Variants in PCDHGA9 observed in about 807,000 individuals in gnomAD.
PCDHGA9 encodes the protein protocadherin gamma subfamily A, 9, also known as protocadherin gamma-A9.
PCDHGA9 carries 37 observed loss-of-function variants against 62.5 expected under a neutral mutation model. The ratio of observed to expected loss-of-function variants is 0.59; its 90% CI spans 0.46 to 0.78. The LOEUF is 0.78. PCDHGA9 is among the 30% of genes least tolerant of loss of function. The probability of loss-of-function intolerance (pLI) is 0.00; values close to 1 mark genes in which losing one functional copy is unlikely to be tolerated. For missense variants in PCDHGA9, 1,138 were observed against 1,166.2 expected, an observed-to-expected ratio of 0.98 and a Z score of 0.35; for synonymous variants, 459 against 484.6, an observed-to-expected ratio of 0.95 and a Z score of 0.69.
rs1279890312 is a variant in PCDHGA9, at chr5:141,432,403, G to C, written c.2424+27027G>C. On this transcript the variant is annotated intron_variant, in intron 1 of 3. Transcript: ENST00000573521. This position sits in a 1 kb window ranked among gnomAD's most constrained non-coding sequence, Gnocchi z 6.0. ...CGCCCCTCAGCAGCAACGTGTCGTT[G>C]AGCCTGTTCGTGCTGGACCAGAACG... 1.9e-6 allele frequency: 3 copies of C among 1,614,242 alleles called. No homozygotes were observed. Among genetic ancestry groups the C allele is most frequent in the Non-Finnish European group, 8.5e-7 (1 of 1,180,052 alleles).
rs1223618064 is a variant in PCDHGA9 at position 141,512,867 on chromosome 5, C to T, written c.*1694C>T. On this transcript the variant is annotated 3_prime_UTR_variant, in exon 4 of 4. Transcript: ENST00000573521. The stretch of plus-strand genomic sequence containing the variant: ...ATAAGCGCTTCTCTTCGCATAGTCA[C>T]GTAGCTCCCACCCCACCCTCTTCCT... 1 of 152,184 alleles carries T rather than the reference C, an allele frequency of 6.6e-6. No homozygotes were observed. The highest frequency in any genetic ancestry group is 1.5e-5 in the Non-Finnish European group (1 of 68,056). The allele number at this position is 152,184 out of a possible 1,614,324, so 9.4% of individuals were successfully genotyped here. A position where few individuals can be genotyped will look rare whatever the true frequency, so the allele number is the denominator to read the frequency against.
At chr5:141,413,086 A>T in intron 1 of PCDHGA9, 1 of 1,344,152 alleles carries the variant, frequency 7.4e-7, no homozygotes, top group Non-Finnish European at 1.0e-6. Flanking sequence ...GGCTACAGAG[A>T]CACCCTGAAG....
At chr5:141,478,711 T>G (rs1420376406) in intron 1 of PCDHGA9, 1 of 1,547,346 alleles carries the variant, frequency 6.5e-7, no homozygotes. Context: ...CTTTGTGAGA[T>G]GGTGGCCTGC....
At position 141,480,524 on chromosome 5, in the gene PCDHGA9, AAAG is replaced by A. The variant is rs1342230573; in HGVS notation, c.2425-14282_2425-14280del. Among the ~76,000 whole-genome samples, 4 of 127,792 alleles carry A rather than the reference AAAG, an allele frequency of 3.1e-5. No homozygotes were observed. The East Asian group carries it at 7.7e-4, about 25-fold the overall frequency. 83.8% of individuals were successfully genotyped at this position (127,792 alleles called of 152,430 possible). On this transcript the variant is annotated intron_variant, in intron 1 of 3. Transcript: ENST00000573521. Reference sequence around the variant, plus strand: ...ACATATGAGAACAACCAAAAATGACAAAGTAGAAGCACATATGAAAAGGCTAAG... The same window carrying A: ...ACATATGAGAACAACCAAAAATGACATAGAAGCACATATGAAAAGGCTAAG...
At chr5:141,415,176 C>G (rs773987499) in intron 1 of PCDHGA9, 17 of 1,613,816 alleles carry the variant, frequency 1.1e-5, no homozygotes, top group Non-Finnish European at 5.1e-6. Flanking sequence ...TCACCGTGGC[C>G]GTGGCCGACA....
chr5:141,413,812 C>G (rs761118146), intron 1 of PCDHGA9: 3 of 1,613,144 alleles, frequency 1.9e-6, no homozygotes, highest in Non-Finnish European at 1.7e-6. Context: ...GGCCATTCAC[C>G]ACCTGGTCCT....
intron 1 of PCDHGA9, chr5:141,415,455 G>T: frequency 6.2e-7 from 1 of 1,614,186 alleles, no homozygotes; most frequent in Non-Finnish European, 8.5e-7. Context: ...ATTCCCACGA[G>T]GTCTCTCTCA....
chr5:141,485,539 G>C lies in PCDHGA9; in HGVS notation c.2425-9268G>C, dbSNP rs370323886. The C allele has an allele frequency of 9.9e-6, 16 of 1,613,986 alleles. No homozygotes were observed. In the African/African-American group the frequency reaches 2.0e-4, roughly 20 times the overall value. On this transcript the variant is annotated intron_variant, in intron 1 of 3. Transcript: ENST00000573521. This position sits in a 1 kb window ranked among gnomAD's most constrained non-coding sequence, Gnocchi z 5.7. ...TGGAAATGTACCGAGCAGAGGTAGA[G>C]ATCGTAGATGTGAATGATCACGCCC... is the stretch of plus-strand genomic sequence containing the variant.
At chr5:141,475,764 C>T (rs2154573514) in intron 1 of PCDHGA9, among the ~76,000 whole-genome samples, 1 of 152,380 alleles carries the variant, frequency 6.6e-6, no homozygotes, top group South Asian at 2.1e-4. Flanking sequence ...CCGATACTGG[C>T]AAGGCGCTTT....
At chr5:141,497,855 C>T (rs1447484949) in intron 2 of PCDHGA9, among the ~76,000 whole-genome samples, 1 of 152,122 alleles carries the variant, frequency 6.6e-6, no homozygotes, top group Non-Finnish European at 1.5e-5. Flanking sequence ...ATTTTTGATT[C>T]AGCGGCTCCA....
chr5:141,410,826 G>T, intron 1 of PCDHGA9: 4 of 379,152 alleles, frequency 1.1e-5, no homozygotes, highest in Non-Finnish European at 9.0e-6. Flanking sequence ...AATGTCACCA[G>T]ACTGAAGATA....
rs1011341002 is a variant in PCDHGA9, at chr5:141,476,141, G to T, written c.2425-18666G>T. 1 of 1,610,048 alleles carries T rather than the reference G, an allele frequency of 6.2e-7. No individual in the cohort carries two copies. The highest frequency in any genetic ancestry group is 2.2e-5 in the East Asian group (1 of 44,844). On this transcript the variant is annotated intron_variant, in intron 1 of 3. Coordinates refer to ENST00000573521, the MANE Select transcript of PCDHGA9 (RefSeq NM_018921.3). The surrounding 1 kb of genome is among the most constrained non-coding windows in gnomAD (Gnocchi z 7.6). ...GATGGTCCCAGAGGCCTGGAGGAGC[G>T]GACTGGTAAGCACCGGGAGGGTAGT...
At chr5:141,418,882 C>T (rs945382775) in intron 1 of PCDHGA9, 8 of 1,613,960 alleles carry the variant, frequency 5.0e-6, no homozygotes, top group Admixed American at 1.7e-5. Flanking sequence ...TAGACGAAAA[C>T]GACAACAGCC....
In PCDHGA9 at chr5:141,403,112, C is replaced by CT. The variant is rs765071462; in HGVS notation, c.161dup (p.Glu55GlyfsTer15). The CT allele has an allele frequency of 3.1e-6, 5 of 1,614,074 alleles. No individual in the cohort carries two copies. In the South Asian group the frequency reaches 5.5e-5, roughly 18 times the overall value. On this transcript the variant is annotated frameshift_variant, in exon 1 of 4. Transcript: ENST00000573521. LOFTEE classifies it high-confidence loss of function. Reference sequence around the variant, plus strand: ...GGGCAACATCTCCAAGGACCTGGCTCTGGAGCCCCGGGAGCTGGCGGAGCG... The same window carrying CT: ...GGGCAACATCTCCAAGGACCTGGCTCTTGGAGCCCCGGGAGCTGGCGGAGCG...
intron 1 of PCDHGA9, chr5:141,414,071 A>C: frequency 6.2e-7 from 1 of 1,606,780 alleles, no homozygotes; most frequent in Non-Finnish European, 8.5e-7. Flanking sequence ...TTCCAACTAA[A>C]CAAATATACT....
chr5:141,492,461 G>T (rs1218833302), intron 1 of PCDHGA9, among the ~76,000 whole-genome samples: 1 of 152,212 alleles, frequency 6.6e-6, no homozygotes, highest in Non-Finnish European at 1.5e-5. Flanking sequence ...CGCGCCTGAG[G>T]GTCCCAGATC....
At chr5:141,423,256 G>C (rs751894091) in intron 1 of PCDHGA9, 1 of 1,613,934 alleles carries the variant, frequency 6.2e-7, no homozygotes. Flanking sequence ...GGCGGACCTC[G>C]GCAGCCTCGA....
chr5:141,478,038 G>A lies in PCDHGA9; in HGVS notation c.2425-16769G>A, dbSNP rs1401384720. ...CCAGTCCAAGACACAGATTCACCCA[G>A]GCAGACTCTCACGGTCTTGATCAAA... On this transcript the variant is annotated intron_variant, in intron 1 of 3. Transcript: ENST00000573521. 8 of 1,614,006 alleles carry A rather than the reference G, an allele frequency of 5.0e-6. No homozygotes were observed. In the African/African-American group the frequency reaches 1.1e-4, roughly 22 times the overall value.
chr5:141,467,788 A>G (rs2099151778), intron 1 of PCDHGA9, among the ~76,000 whole-genome samples: 1 of 152,020 alleles, frequency 6.6e-6, no homozygotes. Flanking sequence ...CCTCTCAAGT[A>G]GCTGGGACTA....
Sources: gnomAD v4.1 joint callset for allele counts (sites outside exome capture counted in the v4.1 genomes callset) on GRCh38, gnomAD v4.1.1 for gene constraint, Gnocchi (gnomAD v3.1) non-coding constraint, MANE v1.5 for transcripts, NCBI Gene and HGNC (gene_info 2026-07-23, HGNC 2026-07-21) for gene names.